The following RGS7 variants were observed in gnomAD, a reference collection of about 807,000 sequenced individuals.
The protein encoded by RGS7 is regulator of G-protein signaling 7.
In RGS7, 27 loss-of-function variants were observed where a neutral mutation model predicts 81.1. That is an observed-to-expected ratio of 0.33 (90% CI 0.25 to 0.46). The LOEUF (loss-of-function observed/expected upper bound fraction) is 0.46. Among genes scored for constraint, RGS7 ranks in the 20% least tolerant of loss-of-function variants. The probability of loss-of-function intolerance (pLI) is 1.00; values close to 1 mark genes in which losing one functional copy is unlikely to be tolerated. For missense variants in RGS7, 396 were observed against 607.4 expected (o/e 0.65, Z 3.66); for synonymous variants, 208 against 207.7 (o/e 1.00, Z -0.01).
Position 240,816,366 on chromosome 1 carries a change from G to C in RGS7, c.734C>G (p.Thr245Arg). 1.9e-6 allele frequency: 3 copies of C among 1,612,242 alleles called. No homozygotes were observed. The highest frequency in any genetic ancestry group is 2.5e-6 in the Non-Finnish European group (3 of 1,178,386). Residue 245 changes from threonine (T) to arginine (R), a missense_variant, in exon 11 of 19, where the codon ACA (threonine) becomes AGA (arginine). Thr to Arg is a moderately conservative substitution (Grantham distance 71, BLOSUM62 -1). Coordinates refer to ENST00000440928, the MANE Select transcript of RGS7 (RefSeq NM_001364886.1). ...TGGAGGTTTAGTTTCTGGTGTGGGT[G>C]TGTGGGTAGGACTGTGACTTCTAAT... The part of the protein sequence containing the change: ...NDIRSHSPTH[T>R]PTPETKPPTE...
intron 6 of RGS7, among the ~76,000 whole-genome samples, chr1:240,923,118 C>G (rs1468311011): frequency 1.3e-5 from 2 of 151,886 alleles, no homozygotes; most frequent in East Asian, 3.9e-4. Flanking sequence ...TAATTCCAAC[C>G]CTATGACATT....
At chr1:241,330,430 G>T (rs1459228658) in intron 2 of RGS7, among the ~76,000 whole-genome samples, 1 of 152,168 alleles carries the variant, frequency 6.6e-6, no homozygotes, top group African/African-American at 2.4e-5. Context: ...TATGTATAAA[G>T]CCAGTGTGTG....
Position 240,776,098 on chromosome 1 carries a change from A to T in RGS7, c.*122T>A. ...GTTCTAATGTCCTCTGCTCCAGGTC[A>T]CAACATTGAGCTACAAAGTGTGTGC... is the stretch of plus-strand genomic sequence containing the variant. On this transcript the variant is annotated 3_prime_UTR_variant, in exon 19 of 19. Coordinates refer to ENST00000440928, the MANE Select transcript of RGS7 (RefSeq NM_001364886.1). The T allele has an allele frequency of 8.2e-7, 1 of 1,224,214 alleles. No homozygotes were observed. Among genetic ancestry groups the T allele is most frequent in the East Asian group, 2.3e-5 (1 of 43,032 alleles). The allele number at this position is 1,224,214 out of a possible 1,614,324, so 75.8% of individuals were successfully genotyped here. A position where few individuals can be genotyped will look rare whatever the true frequency, so the allele number is the denominator to read the frequency against.
chr1:241,051,337 C>G (rs545037349), intron 3 of RGS7, among the ~76,000 whole-genome samples: 2 of 152,240 alleles, frequency 1.3e-5, no homozygotes, highest in South Asian at 4.1e-4. Flanking sequence ...CTGCTACAGG[C>G]TTTAATCACC....
chr1:240,993,131 GAAGGAGGAA>G (rs1361715278), intron 3 of RGS7, among the ~76,000 whole-genome samples: 3 of 144,788 alleles, frequency 2.1e-5, no homozygotes, highest in South Asian at 4.5e-4. Context: ...AGGAAGGAAG[GAAGGAGGAA>G]AGGAAAGGAA....
chr1:240,992,768 T>C (rs1279611321), intron 3 of RGS7, among the ~76,000 whole-genome samples: 4 of 150,654 alleles, frequency 2.7e-5, no homozygotes, highest in Non-Finnish European at 4.4e-5. Flanking sequence ...TTCAATACCA[T>C]GAGGTATTGA....
At chr1:241,354,137 T>C (rs1405114653) in intron 2 of RGS7, among the ~76,000 whole-genome samples, 1 of 152,122 alleles carries the variant, frequency 6.6e-6, no homozygotes, top group Non-Finnish European at 1.5e-5. Flanking sequence ...TATACACCCA[T>C]AAGATAGAAT....
At chr1:240,799,523 C>T (rs1558268939) in intron 18 of RGS7, among the ~76,000 whole-genome samples, 1 of 152,080 alleles carries the variant, frequency 6.6e-6, no homozygotes, top group Non-Finnish European at 1.5e-5. Flanking sequence ...TACATCCTAA[C>T]ATTTTGTCTA....
chr1:240,817,143 G>C (rs140835620), intron 10 of RGS7, among the ~76,000 whole-genome samples: 58 of 152,252 alleles, frequency 3.8e-4, no homozygotes, highest in African/African-American at 1.3e-3. Flanking sequence ...ATAAAGATCT[G>C]GTGACTAAAG....
intron 2 of RGS7, among the ~76,000 whole-genome samples, chr1:241,217,309 A>T (rs530338679): frequency 6.6e-6 from 1 of 152,224 alleles, no homozygotes; most frequent in Non-Finnish European, 1.5e-5. Context: ...TTGATTATGG[A>T]CTTCTAGGTT....
intron 3 of RGS7, among the ~76,000 whole-genome samples, chr1:241,018,229 C>T (rs547591054): frequency 7.3e-5 from 11 of 151,072 alleles, no homozygotes; most frequent in African/African-American, 1.2e-4. Flanking sequence ...GTGATCTGCC[C>T]GCCTCGGCCT....
At chr1:240,832,765 G>C (rs1418712050) in intron 9 of RGS7, among the ~76,000 whole-genome samples, 1 of 152,196 alleles carries the variant, frequency 6.6e-6, no homozygotes, top group African/African-American at 2.4e-5. Context: ...TAAACGACAG[G>C]TGAGTGGAGG....
intron 2 of RGS7, among the ~76,000 whole-genome samples, chr1:241,308,967 G>A (rs1289888336): frequency 2.6e-5 from 4 of 152,160 alleles, no homozygotes; most frequent in African/African-American, 9.7e-5. Context: ...AGCTACGTGA[G>A]AGTGGTATTC....
chr1:241,324,044 T>C (rs1221728584), intron 2 of RGS7, among the ~76,000 whole-genome samples: 1 of 152,084 alleles, frequency 6.6e-6, no homozygotes, highest in Non-Finnish European at 1.5e-5. Context: ...CCTCAAAGGG[T>C]TGTTATGAGA....
intron 10 of RGS7, among the ~76,000 whole-genome samples, chr1:240,818,219 C>CTCAT (rs1018106401): frequency 1.2e-4 from 18 of 151,924 alleles, no homozygotes; most frequent in South Asian, 2.1e-4. Context: ...TATTTTTTCA[C>CTCAT]TCATTCATTC....
intron 2 of RGS7, among the ~76,000 whole-genome samples, chr1:241,338,424 G>A (rs2082358534): frequency 6.6e-6 from 1 of 152,048 alleles, no homozygotes; most frequent in Non-Finnish European, 1.5e-5. Context: ...TTCCAAGCAA[G>A]CAAAGACATT....
chr1:241,284,781 G>C (rs977629280), intron 2 of RGS7, among the ~76,000 whole-genome samples: 1 of 152,220 alleles, frequency 6.6e-6, no homozygotes, highest in Non-Finnish European at 1.5e-5. Flanking sequence ...TGATATGGGT[G>C]GGAGTGATGC....
At chr1:240,852,054 A>C (rs1417801044) in intron 9 of RGS7, among the ~76,000 whole-genome samples, 1 of 152,246 alleles carries the variant, frequency 6.6e-6, no homozygotes, top group East Asian at 1.9e-4. Flanking sequence ...TTTTCAAAGA[A>C]GTTCTACTGC....
At chr1:240,853,590 A>C (rs1172245081) in intron 9 of RGS7, among the ~76,000 whole-genome samples, 1 of 152,128 alleles carries the variant, frequency 6.6e-6, no homozygotes, top group Non-Finnish European at 1.5e-5. Flanking sequence ...GCAGTCATTC[A>C]TTACATGTAC....
Sources: gnomAD v4.1 joint callset for allele counts (sites outside exome capture counted in the v4.1 genomes callset) on GRCh38, gnomAD v4.1.1 for gene constraint, MANE v1.5 for transcripts, NCBI Gene and HGNC (gene_info 2026-07-23, HGNC 2026-07-21) for gene names.